Variants in SRP54 observed in about 807,000 individuals in gnomAD.
The protein encoded by SRP54 is signal recognition particle 54.
A neutral mutation model predicts 64.8 loss-of-function variants in SRP54; 10 were observed. The observed-to-expected ratio is 0.15, with a 90% CI of 0.10 to 0.26. SRP54 has a LOEUF of 0.26. Ranked by LOEUF, SRP54 falls within the 10% of genes least tolerant of loss-of-function variation. The pLI, the probability that SRP54 is intolerant of heterozygous loss-of-function variation, is 1.00. For synonymous variants in SRP54, 193 were observed against 185.6 expected (o/e 1.04, Z -0.32); for missense variants, 325 against 613.7 (o/e 0.53, Z 4.97).
intron 7 of SRP54, among the ~76,000 whole-genome samples, chr14:35,011,222 T>C: frequency 6.6e-6 from 1 of 152,008 alleles, no homozygotes. Flanking sequence ...TGAGCATGAG[T>C]TCAATTATTA....
Position 35,014,733 on chromosome 14 carries a change from G to C in SRP54, c.887-11G>C, listed in dbSNP as rs769378168. 9 of 1,606,846 alleles carry C rather than the reference G, an allele frequency of 5.6e-6. No homozygotes were observed. Among genetic ancestry groups the C allele is most frequent in the Non-Finnish European group, 7.6e-6 (9 of 1,177,006 alleles). On this transcript the variant is annotated splice_polypyrimidine_tract_variant and intron_variant, in intron 10 of 15. Transcript: ENST00000216774. ...TATTAGTTGTTAATTTTTCTTTTTT[G>C]TATCTTATAGGTATGGGCGACATTG...
Position 35,007,351 on chromosome 14 carries a change from A to C in SRP54, c.324A>C (p.Gly108=). The C allele has an allele frequency of 6.3e-7, 1 of 1,595,548 alleles. No individual in the cohort carries two copies. The highest frequency in any genetic ancestry group is 8.6e-7 in the Non-Finnish European group (1 of 1,167,444). Residue 108 remains glycine, a synonymous_variant, in exon 5 of 16, where the codon GGA becomes GGC. Coordinates refer to ENST00000216774, the MANE Select transcript of SRP54 (RefSeq NM_003136.4). ...AACAAAATGTGATTATGTTTGTTGGATTGCAAGGGAGTGGTAAAACAACAA... is the reference window on the plus strand; with the variant it reads ...AACAAAATGTGATTATGTTTGTTGGCTTGCAAGGGAGTGGTAAAACAACAA... ...KGKQNVIMFV[G]LQGSGKTTTC...
At position 34,995,948 on chromosome 14, in the gene SRP54, C is replaced by T. The variant is rs75631942; in HGVS notation, c.-33-729C>T. Reference sequence around the variant, plus strand: ...GGCATGGTGGCATGCACCTGTGGTCCCAGCTACTTGGGGGGCTAAGGCAGG... The same window carrying T: ...GGCATGGTGGCATGCACCTGTGGTCTCAGCTACTTGGGGGGCTAAGGCAGG... On this transcript the variant is annotated intron_variant, in intron 1 of 15. Transcript: ENST00000216774. Among the ~76,000 whole-genome samples the T allele has an allele frequency of 9.4e-3, 1,431 of 151,930 alleles. 9 individuals are homozygous for T. Among genetic ancestry groups the T allele is most frequent in the Non-Finnish European group, 0.013 (896 of 67,980 alleles).
intron 4 of SRP54, among the ~76,000 whole-genome samples, chr14:35,006,901 T>C (rs572597989): frequency 6.6e-6 from 1 of 152,302 alleles, no homozygotes; most frequent in South Asian, 2.1e-4. Context: ...TTATATAATT[T>C]AAAAGTTGTG....
intron 4 of SRP54, among the ~76,000 whole-genome samples, chr14:35,004,336 C>T (rs1594992881): frequency 6.6e-6 from 1 of 152,136 alleles, no homozygotes; most frequent in East Asian, 1.9e-4. Flanking sequence ...TGATGAGGGT[C>T]AGTATTGATA....
intron 1 of SRP54, among the ~76,000 whole-genome samples, chr14:34,996,098 T>C (rs1400404920): frequency 6.6e-6 from 1 of 151,672 alleles, no homozygotes. Flanking sequence ...ATAATATACC[T>C]CTTTCCTTTG....
intron 4 of SRP54, among the ~76,000 whole-genome samples, chr14:35,003,776 A>G (rs967342788): frequency 4.7e-4 from 71 of 151,040 alleles, no homozygotes; most frequent in Non-Finnish European, 9.0e-4. Flanking sequence ...ACTACAAAAA[A>G]TACAAAAATT....
At chr14:34,992,279 T>C (rs537874718) in intron 1 of SRP54, among the ~76,000 whole-genome samples, 32 of 151,980 alleles carry the variant, frequency 2.1e-4, no homozygotes, top group African/African-American at 7.5e-4. Context: ...TCATGTATTA[T>C]ATAATAAAAT....
chr14:34,997,311 C>T (rs144287090), intron 2 of SRP54, among the ~76,000 whole-genome samples: 253 of 152,088 alleles, frequency 1.7e-3, no homozygotes, highest in Middle Eastern at 0.01. Context: ...CTTTTCTTCC[C>T]GGCTATATTA....
intron 4 of SRP54, among the ~76,000 whole-genome samples, chr14:35,003,858 C>T (rs188192217): frequency 5.2e-4 from 78 of 150,106 alleles, no homozygotes; most frequent in African/African-American, 1.7e-3. Flanking sequence ...CGCTTGAATC[C>T]GGGAGGTGGA....
chr14:35,021,114 CTT>C (rs2044522665), intron 13 of SRP54, among the ~76,000 whole-genome samples: 1 of 152,070 alleles, frequency 6.6e-6, no homozygotes, highest in African/African-American at 2.4e-5. Context: ...TTGATCGTGA[CTT>C]TATTTTGAGA....
intron 13 of SRP54, among the ~76,000 whole-genome samples, chr14:35,020,246 C>T (rs964076183): frequency 6.6e-6 from 1 of 152,102 alleles, no homozygotes; most frequent in African/African-American, 2.4e-5. Context: ...TCTAAGCCTT[C>T]AGTGCATTAT....
At chr14:34,990,907 G>T (rs1354882758) in intron 1 of SRP54, among the ~76,000 whole-genome samples, 5 of 151,966 alleles carry the variant, frequency 3.3e-5, no homozygotes, top group Admixed American at 3.3e-4. Flanking sequence ...GGCTTTTAAA[G>T]ATATTTGCAG....
chr14:34,991,127 T>TTTGTTGTTG (rs1555352959), intron 1 of SRP54, among the ~76,000 whole-genome samples: 1 of 123,128 alleles, frequency 8.1e-6, no homozygotes, highest in Non-Finnish European at 1.7e-5. Flanking sequence ...TTTTTTTTTT[T>TTTGTTGTTG]TTGTTGTTGT....
intron 1 of SRP54, among the ~76,000 whole-genome samples, chr14:34,990,292 T>G (rs1362736781): frequency 6.6e-6 from 1 of 152,218 alleles, no homozygotes; most frequent in East Asian, 1.9e-4. Context: ...TAAAATGTGA[T>G]TTCTTCTATT....
Position 35,016,840 on chromosome 14 carries a change from C to CTTTTTTTTTTT in SRP54, c.974-1848_974-1847insTTTTTTTTTTT, listed in dbSNP as rs145307640. Among the ~76,000 whole-genome samples, 72 of 71,566 alleles carry CTTTTTTTTTTT rather than the reference C, an allele frequency of 1.0e-3. 1 individual carries two copies. The highest frequency in any genetic ancestry group is 1.8e-3 in the South Asian group (3 of 1,654). The allele number at this position is 71,566 out of a possible 152,430, so 47.0% of individuals were successfully genotyped here. A position where few individuals can be genotyped will look rare whatever the true frequency, so the allele number is the denominator to read the frequency against. Reference sequence around the variant, plus strand: ...GCCTGTCTCTTTGCCCCTTTTTTTTCTTTTCTTTTTTTTTTTTTTTCTTCT... The same window carrying CTTTTTTTTTTT: ...GCCTGTCTCTTTGCCCCTTTTTTTTCTTTTTTTTTTTTTTTCTTTTTTTTTTTTTTTCTTCT... On this transcript the variant is annotated intron_variant, in intron 11 of 15. Coordinates refer to ENST00000216774, the MANE Select transcript of SRP54 (RefSeq NM_003136.4).
At chr14:34,985,647 A>G (rs1594973428) in intron 1 of SRP54, among the ~76,000 whole-genome samples, 1 of 152,136 alleles carries the variant, frequency 6.6e-6, no homozygotes, top group African/African-American at 2.4e-5. Context: ...TATAGAACAG[A>G]TTTCTCATTC....
At chr14:35,018,600 C>A in intron 11 of SRP54, 92 bp from the exon 12 acceptor site, 1 of 985,778 alleles carries the variant, frequency 1.0e-6, no homozygotes, top group Non-Finnish European at 1.5e-6. Flanking sequence ...AAATATGCTT[C>A]AAGATGAATT....
intron 4 of SRP54, among the ~76,000 whole-genome samples, chr14:35,003,466 C>T (rs1397591529): frequency 4.6e-5 from 7 of 152,070 alleles, no homozygotes. Context: ...CCTCAAATTC[C>T]TGGGCTCGAG....
Sources: allele counts gnomAD v4.1 joint callset (sites outside exome capture counted in the v4.1 genomes callset), GRCh38; gene constraint gnomAD v4.1.1; transcripts MANE v1.5; gene names NCBI Gene and HGNC (gene_info 2026-07-23, HGNC 2026-07-21).